The following RTN4RL1 variants were observed in gnomAD, a reference collection of about 807,000 sequenced individuals.
The protein encoded by RTN4RL1 is reticulon 4 receptor like 1, also known as reticulon-4 receptor-like 1.
In RTN4RL1, 7 loss-of-function variants were observed where a neutral mutation model predicts 25.6. That is an observed-to-expected ratio of 0.27 (90% CI 0.16 to 0.51). The LOEUF (loss-of-function observed/expected upper bound fraction) is 0.51. RTN4RL1 is among the 20% of genes least tolerant of loss of function. RTN4RL1 has a pLI of 0.97. For synonymous variants in RTN4RL1, 297 were observed against 288.2 expected (o/e 1.03, Z -0.31); for missense variants, 500 against 615.6 (o/e 0.81, Z 1.99).
chr17:1,956,767 G>C lies in RTN4RL1; in HGVS notation c.14-18959C>G. On this transcript the variant is annotated intron_variant, in intron 1 of 1. Coordinates refer to ENST00000331238, the MANE Select transcript of RTN4RL1 (RefSeq NM_178568.4). ...TTTTTTTTTTTTTTTTTTTAAGATG[G>C]AGTCTCACTCTGTCGCCCAGGCTAG... Among the ~76,000 whole-genome samples, 2 of 146,336 alleles carry C rather than the reference G, an allele frequency of 1.4e-5. 1 individual carries two copies. The highest frequency in any genetic ancestry group is 3.0e-5 in the Non-Finnish European group (2 of 67,062).
intron 1 of RTN4RL1, among the ~76,000 whole-genome samples, chr17:1,940,707 C>T (rs1382245802): frequency 6.6e-6 from 1 of 152,182 alleles, no homozygotes; most frequent in Non-Finnish European, 1.5e-5. Context: ...AGCCGACACT[C>T]CCCGTCTCTC....
chr17:1,986,025 A>G (rs1204261676), intron 1 of RTN4RL1, among the ~76,000 whole-genome samples: 1 of 151,960 alleles, frequency 6.6e-6, no homozygotes, highest in African/African-American at 2.4e-5. Flanking sequence ...ACTTGCCTAT[A>G]ACCTTGACAG....
chr17:1,976,253 G>A (rs1459411079), intron 1 of RTN4RL1, among the ~76,000 whole-genome samples: 1 of 152,170 alleles, frequency 6.6e-6, no homozygotes, highest in Non-Finnish European at 1.5e-5. Context: ...GCAGGGGGCT[G>A]GCCCCAGGGG....
intron 1 of RTN4RL1, among the ~76,000 whole-genome samples, chr17:1,999,593 G>A (rs1386234216): frequency 1.3e-5 from 2 of 151,852 alleles, no homozygotes; most frequent in East Asian, 1.9e-4. Context: ...AAGCACACAC[G>A]TACACAGAAC....
chr17:2,024,506 G>C (rs1393680925), intron 1 of RTN4RL1, among the ~76,000 whole-genome samples: 1 of 152,136 alleles, frequency 6.6e-6, no homozygotes, highest in East Asian at 1.9e-4. Flanking sequence ...TGCCCGCGCA[G>C]GGAATGGAGG....
intron 1 of RTN4RL1, among the ~76,000 whole-genome samples, chr17:1,945,582 C>T (rs1053446172): frequency 5.3e-5 from 8 of 151,874 alleles, no homozygotes; most frequent in Admixed American, 2.0e-4. Flanking sequence ...AACTCCTGGC[C>T]TCAAGCAATC....
chr17:1,988,654 C>A (rs2066897459), intron 1 of RTN4RL1, among the ~76,000 whole-genome samples: 1 of 152,112 alleles, frequency 6.6e-6, no homozygotes, highest in Non-Finnish European at 1.5e-5. Flanking sequence ...TAAATGCTTC[C>A]TGAAGGAATG....
chr17:2,011,898 G>T (rs1280707676), intron 1 of RTN4RL1, among the ~76,000 whole-genome samples: 1 of 152,078 alleles, frequency 6.6e-6, no homozygotes, highest in Non-Finnish European at 1.5e-5. Context: ...AAGTTCCCGA[G>T]CCTCTTTCCC....
chr17:1,989,655 C>A (rs2066901304), intron 1 of RTN4RL1, among the ~76,000 whole-genome samples: 1 of 152,080 alleles, frequency 6.6e-6, no homozygotes, highest in Non-Finnish European at 1.5e-5. Flanking sequence ...TTCACTGCCA[C>A]CTCCACCTCC....
At chr17:1,967,823 T>A (rs773316780) in intron 1 of RTN4RL1, among the ~76,000 whole-genome samples, 9 of 152,136 alleles carry the variant, frequency 5.9e-5, no homozygotes, top group Non-Finnish European at 1.2e-4. Context: ...TAATTTTTAG[T>A]AGAGACGGGG....
chr17:1,996,865 C>T (rs2066931594), intron 1 of RTN4RL1, among the ~76,000 whole-genome samples: 1 of 152,192 alleles, frequency 6.6e-6, no homozygotes, highest in Admixed American at 6.5e-5. Flanking sequence ...CTGCCCAGGC[C>T]AGCTGGGACT....
chr17:1,985,358 C>T (rs2066883356), intron 1 of RTN4RL1, among the ~76,000 whole-genome samples: 1 of 152,218 alleles, frequency 6.6e-6, no homozygotes, highest in Non-Finnish European at 1.5e-5. Flanking sequence ...ATCAAGCCAC[C>T]TGCCTCCTAC....
chr17:1,971,854 C>T (rs1344151339), intron 1 of RTN4RL1, among the ~76,000 whole-genome samples: 10 of 148,958 alleles, frequency 6.7e-5, no homozygotes, highest in African/African-American at 2.5e-4. Context: ...CCCAGCTACT[C>T]GGGAGGCTGA....
chr17:1,936,440 T>A lies in RTN4RL1; in HGVS notation c.*56A>T. 1.4e-6 allele frequency: 2 copies of A among 1,479,696 alleles called. No homozygotes were observed. Among genetic ancestry groups the A allele is most frequent in the Non-Finnish European group, 1.8e-6 (2 of 1,124,022 alleles). The allele number at this position is 1,479,696 out of a possible 1,614,324, so 91.7% of individuals were successfully genotyped here. A position where few individuals can be genotyped will look rare whatever the true frequency, so the allele number is the denominator to read the frequency against. On this transcript the variant is annotated 3_prime_UTR_variant, in exon 2 of 2. Transcript: ENST00000331238. Reference sequence around the variant, plus strand: ...TCCACTTGTTAAAAAAAGAAGAAAATAAATTCTGTTCCTTGGTGGACATGT... The same window carrying A: ...TCCACTTGTTAAAAAAAGAAGAAAAAAAATTCTGTTCCTTGGTGGACATGT...
intron 1 of RTN4RL1, among the ~76,000 whole-genome samples, chr17:1,997,559 A>G (rs2066934778): frequency 6.6e-6 from 1 of 152,256 alleles, no homozygotes; most frequent in Non-Finnish European, 1.5e-5. Flanking sequence ...GTGCTCAATC[A>G]TAAACCACTG....
intron 1 of RTN4RL1, among the ~76,000 whole-genome samples, chr17:2,017,371 G>A (rs1444745905): frequency 1.3e-5 from 2 of 152,200 alleles, no homozygotes; most frequent in Non-Finnish European, 2.9e-5. Context: ...GGGCTGCAGT[G>A]GTCTGTCCCC....
chr17:1,936,220 T>G lies in RTN4RL1; in HGVS notation c.*276A>C. On this transcript the variant is annotated 3_prime_UTR_variant, in exon 2 of 2. Coordinates refer to ENST00000331238, the MANE Select transcript of RTN4RL1 (RefSeq NM_178568.4). ...TTGCCAGTGGAGGATGCACTTGGAG[T>G]GCCTTTTCCCACCTTGCCAGAGTGG... is the stretch of plus-strand genomic sequence containing the variant. 1.6e-6 allele frequency: 2 copies of G among 1,264,760 alleles called. No individual in the cohort carries two copies. Among genetic ancestry groups the G allele is most frequent in the Non-Finnish European group, 2.0e-6 (2 of 1,005,690 alleles). 78.3% of individuals were successfully genotyped at this position (1,264,760 alleles called of 1,614,324 possible). A position where few individuals can be genotyped will look rare whatever the true frequency, so the allele number is the denominator to read the frequency against.
Position 2,020,187 on chromosome 17 carries a change from C to A in RTN4RL1, c.13+4666G>T, listed in dbSNP as rs570501023. The A allele has an allele frequency of 3.9e-5, 6 of 152,340 alleles. No homozygotes were observed. The East Asian group carries it at 1.2e-3, about 29-fold the overall frequency. The allele number at this position is 152,340 out of a possible 1,614,324, so 9.4% of individuals were successfully genotyped here. A position where few individuals can be genotyped will look rare whatever the true frequency, so the allele number is the denominator to read the frequency against. On this transcript the variant is annotated intron_variant, in intron 1 of 1. Coordinates refer to ENST00000331238, the MANE Select transcript of RTN4RL1 (RefSeq NM_178568.4). ...GGCTGGGAAGGCCGAAATTTGACTT[C>A]TGCACCTGGATTTGGGCTAAAAAGT... is the stretch of plus-strand genomic sequence containing the variant.
intron 1 of RTN4RL1, chr17:2,023,801 C>G (rs2067241328): frequency 6.6e-6 from 1 of 152,118 alleles, no homozygotes. Flanking sequence ...CGGATTAAGG[C>G]TGGAGCGTGG....
Sources: allele counts gnomAD v4.1 joint callset (sites outside exome capture counted in the v4.1 genomes callset), GRCh38; gene constraint gnomAD v4.1.1; transcripts MANE v1.5; gene names NCBI Gene and HGNC (gene_info 2026-07-23, HGNC 2026-07-21).